Variants in TSC2 observed in about 807,000 individuals in gnomAD.
The protein encoded by TSC2 is tuberin.
In TSC2, 29 loss-of-function variants were observed where a neutral mutation model predicts 202.2. That is an observed-to-expected ratio of 0.14 (90% confidence interval 0.11 to 0.20). The LOEUF is 0.20. Among genes scored for constraint, TSC2 ranks in the 10% least tolerant of loss-of-function variants. TSC2 has a pLI of 1.00. For synonymous variants in TSC2, 1,349 were observed against 1,044.0 expected (o/e 1.29, Z -5.63); for missense variants, 2,429 against 2,420.0 (o/e 1.00, Z -0.08).
rs1555506834 is a variant in TSC2, at chr16:2,072,846, C to G, written c.2221-3C>G. 1.2e-6 allele frequency: 2 copies of G among 1,613,572 alleles called. No homozygotes were observed. The highest frequency in any genetic ancestry group is 1.7e-6 in the Non-Finnish European group (2 of 1,180,024). On this transcript the variant is annotated splice_polypyrimidine_tract_variant and splice_region_variant and intron_variant, in intron 20 of 41. Coordinates refer to ENST00000219476, the MANE Select transcript of TSC2 (RefSeq NM_000548.5). The stretch of plus-strand genomic sequence containing the variant: ...AGGTTTCATGCCTGGATTTGGTCAT[C>G]AGCTTTCAGGCCCAAAGACACTGGA...
At chr16:2,082,085 C>T in intron 31 of TSC2, 1 of 591,362 alleles carries the variant, frequency 1.7e-6, no homozygotes, top group Non-Finnish European at 3.0e-6. Context: ...CCAGGAGGCT[C>T]TGCGGCAGCC....
intron 23 of TSC2, 51 bp from the exon 24 acceptor site, chr16:2,076,017 G>A (rs2151384762): frequency 6.2e-7 from 1 of 1,613,356 alleles, no homozygotes; most frequent in Middle Eastern, 1.6e-4. Flanking sequence ...TCATGCCCTG[G>A]GGATGTTTCC....
At chr16:2,073,389 T>C (rs774795032) in intron 21 of TSC2, among the ~76,000 whole-genome samples, 4 of 152,206 alleles carry the variant, frequency 2.6e-5, no homozygotes, top group Non-Finnish European at 5.9e-5. Context: ...AACTGTCCCT[T>C]CACCTGCGAT....
chr16:2,053,880 G>A lies in TSC2; in HGVS notation c.337-416G>A, dbSNP rs1184993688. Reference sequence around the variant, plus strand: ...CTTGGTGTTCCTGCCTCCCCTGGTCGGCCACTTCTACTCCTTCATGTCCCA... The same window carrying A: ...CTTGGTGTTCCTGCCTCCCCTGGTCAGCCACTTCTACTCCTTCATGTCCCA... On this transcript the variant is annotated intron_variant, in intron 4 of 41. Coordinates refer to ENST00000219476, the MANE Select transcript of TSC2 (RefSeq NM_000548.5). The A allele has an allele frequency of 1.2e-4, 54 of 466,364 alleles. No homozygotes were observed. In the East Asian group the frequency reaches 2.5e-3, roughly 22 times the overall value. The allele number at this position is 466,364 out of a possible 1,614,324, so 28.9% of individuals were successfully genotyped here. A position where few individuals can be genotyped will look rare whatever the true frequency, so the allele number is the denominator to read the frequency against.
In TSC2 at chr16:2,054,416, A is replaced by G. The variant is rs1555497700; in HGVS notation, c.457A>G (p.Ile153Val). The G allele has an allele frequency of 1.9e-6, 3 of 1,614,124 alleles. No individual in the cohort carries two copies. Among genetic ancestry groups the G allele is most frequent in the Admixed American group, 1.7e-5 (1 of 60,010 alleles). ...FKALTDNGRHITYLEEELADF... is the reference protein window; with the variant it reads ...FKALTDNGRHVTYLEEELADF... ...GGCCCTCACAGACAATGGGAGACACATCACCTACTTGGAGGAAGAGCTGGG... is the reference window on the plus strand; with the variant it reads ...GGCCCTCACAGACAATGGGAGACACGTCACCTACTTGGAGGAAGAGCTGGG... The change falls in exon 5 of 42, where the codon ATC becomes GTC. Residue 153 changes from isoleucine (I) to valine (V), a missense_variant. Coordinates refer to ENST00000219476, the MANE Select transcript of TSC2 (RefSeq NM_000548.5).
At chr16:2,073,078 C>A in intron 21 of TSC2, 95 bp downstream of exon 21, 1 of 1,578,214 alleles carries the variant, frequency 6.3e-7, no homozygotes, top group Non-Finnish European at 8.6e-7. Flanking sequence ...AAACGAGTTT[C>A]TGCCAGGCCA....
intron 3 of TSC2, among the ~76,000 whole-genome samples, chr16:2,050,830 A>C (rs1305100443): frequency 1.3e-5 from 2 of 151,524 alleles, no homozygotes; most frequent in Non-Finnish European, 2.9e-5. Context: ...CTCGTGAACC[A>C]TATGCCTCAG....
chr16:2,063,150 CCT>C, intron 14 of TSC2, 97 bp downstream of exon 14: 6 of 1,428,214 alleles, frequency 4.2e-6, no homozygotes, highest in Non-Finnish European at 5.8e-6. Context: ...CCGGGCTCTG[CCT>C]GGGACTTCGG....
intron 30 of TSC2, 95 bp downstream of exon 30, chr16:2,080,472 A>ATAT (rs2089993280): frequency 4.2e-6 from 6 of 1,434,608 alleles, no homozygotes; most frequent in Non-Finnish European, 5.7e-6. Context: ...CCCTCTTGGG[A>ATAT]TATTTGGGGG....
chr16:2,081,528 C>G lies in TSC2; in HGVS notation c.3611-67C>G. 2 of 1,606,360 alleles carry G rather than the reference C, an allele frequency of 1.2e-6. 1 individual carries two copies. The highest frequency in any genetic ancestry group is 2.2e-5 in the South Asian group (2 of 90,582). On this transcript the variant is annotated intron_variant, in intron 30 of 41. Coordinates refer to ENST00000219476, the MANE Select transcript of TSC2 (RefSeq NM_000548.5). ...AAACCAGGGCCCAGGCCAGGAGGCC[C>G]CTGGGGGGCCAGAGATGGGTAAGGG...
chr16:2,056,335 G>C (rs539332756), intron 7 of TSC2, 91 bp downstream of exon 7: 1 of 1,558,240 alleles, frequency 6.4e-7, no homozygotes, highest in East Asian at 2.3e-5. Context: ...GCCACCTGCT[G>C]GCTGTGTAGC....
chr16:2,076,774 G>T, intron 25 of TSC2, 189 bp downstream of exon 25: 1 of 634,310 alleles, frequency 1.6e-6, no homozygotes, highest in South Asian at 1.8e-5. Context: ...GGCCGTGGTG[G>T]CCTGGGTCCG....
Position 2,088,076 on chromosome 16 carries a change from G to C in TSC2, c.5097G>C (p.Val1699=), listed in dbSNP as rs397515314. The change falls in exon 40 of 42, where the codon GTG becomes GTC. Residue 1699 remains valine, a synonymous_variant. Transcript: ENST00000219476. ...TGGAGGGCCTTGTGGACACCAGCGT[G>C]GCCAAGATCGTGTCTGACCGCAACC... ...KDMEGLVDTS[V]AKIVSDRNLP... 22 of 1,612,676 alleles carry C rather than the reference G, an allele frequency of 1.4e-5. No individual in the cohort carries two copies. In the Admixed American group the frequency reaches 2.7e-4, roughly 20 times the overall value.
In TSC2 at chr16:2,076,166, C is replaced by G. The variant is rs2151389251; in HGVS notation, c.2738C>G (p.Thr913Ser). ...CGGAAGGATTTTGTCCCTTTCATCA[C>G]TAAGGTGGGCTCAGGGCCGGTGAAG... is the stretch of plus-strand genomic sequence containing the variant. ...PFRKDFVPFITKGLRSNVLLS... is the reference protein window; with the variant it reads ...PFRKDFVPFISKGLRSNVLLS... Residue 913 changes from threonine to serine, a missense_variant, in exon 24 of 42, where the codon ACT becomes AGT. By Grantham distance (58) the Thr-to-Ser change is moderately conservative. Transcript: ENST00000219476. 1 of 1,613,634 alleles carries G rather than the reference C, an allele frequency of 6.2e-7. No homozygotes were observed. Among genetic ancestry groups the G allele is most frequent in the Non-Finnish European group, 8.5e-7 (1 of 1,180,002 alleles).
chr16:2,072,599 G>A, intron 20 of TSC2: 1 of 789,200 alleles, frequency 1.3e-6, no homozygotes, highest in Admixed American at 2.8e-5. Flanking sequence ...GTCACTGAAT[G>A]TGGATGTCTC....
In TSC2 at chr16:2,048,863, A is replaced by G. The variant is rs1424814765; in HGVS notation, c.138+110A>G. ...ACGGGTTGCTGGCAACTGTCTACAC[A>G]GGAATGCTGTCTCCAGTACTTGGAG... On this transcript the variant is annotated intron_variant, in intron 2 of 41. Transcript: ENST00000219476. The G allele has an allele frequency of 8.1e-6, 12 of 1,486,494 alleles. No individual in the cohort carries two copies. In the African/African-American group the frequency reaches 1.1e-4, roughly 14 times the overall value. 92.1% of individuals were successfully genotyped at this position (1,486,494 alleles called of 1,614,324 possible).
At position 2,086,181 on chromosome 16, in the gene TSC2, C is replaced by G. The variant is rs750736540; in HGVS notation, c.4663-12C>G. ...GGAGTGATGCCACCCTGCCTCTCCCCTCTCCCCACAGAGCAACAGCGAGCT... is the reference window on the plus strand; with the variant it reads ...GGAGTGATGCCACCCTGCCTCTCCCGTCTCCCCACAGAGCAACAGCGAGCT... On this transcript the variant is annotated splice_polypyrimidine_tract_variant and intron_variant, in intron 36 of 41. Coordinates refer to ENST00000219476, the MANE Select transcript of TSC2 (RefSeq NM_000548.5). 6.2e-7 allele frequency: 1 copy of G among 1,611,816 alleles called. No homozygotes were observed. Among genetic ancestry groups the G allele is most frequent in the South Asian group, 1.1e-5 (1 of 91,076 alleles).
rs139507276 is a variant in TSC2, at chr16:2,086,210, C to T, written c.4680C>T (p.Ala1560=). The T allele has an allele frequency of 5.4e-5, 87 of 1,612,696 alleles. No individual in the cohort carries two copies. The African/African-American group carries it at 1.0e-3, about 19-fold the overall frequency. Residue 1560 remains alanine, a synonymous_variant, in exon 37 of 42, where the codon GCC becomes GCT. Transcript: ENST00000219476. ...VGEGQSNSEL[A]ILSNEHGSYR... ...CCCCACAGAGCAACAGCGAGCTCGC[C>T]ATCCTGTCCAATGAGCATGGCTCCT...
intron 36 of TSC2, 60 bp from the exon 37 acceptor site, chr16:2,086,133 T>C (rs2151567015): frequency 6.2e-7 from 1 of 1,601,156 alleles, no homozygotes; most frequent in Non-Finnish European, 8.5e-7. Flanking sequence ...ACCCCCACCC[T>C]CTGCGGGGCA....
Sources: allele counts gnomAD v4.1 joint callset (sites outside exome capture counted in the v4.1 genomes callset), GRCh38; gene constraint gnomAD v4.1.1; transcripts MANE v1.5; gene names NCBI Gene and HGNC (gene_info 2026-07-23, HGNC 2026-07-21).